The following ERMP1 variants were observed in gnomAD, a reference collection of about 807,000 sequenced individuals.
The protein encoded by ERMP1 is Felix-ina.
In ERMP1, 86 loss-of-function variants were observed where a neutral mutation model predicts 92.0. The ratio of observed to expected loss-of-function variants is 0.93; its 90% CI spans 0.79 to 1.12. The LOEUF is 1.12. Ranked by LOEUF, ERMP1 falls within the 50% of genes most tolerant of loss-of-function variation. The pLI is 0.00. For synonymous variants in ERMP1, 530 were observed against 412.8 expected (o/e 1.28, Z -3.44); for missense variants, 1,342 against 1,116.3 (o/e 1.20, Z -2.88).
chr9:5,793,894 G>A (rs1230583457), intron 13 of ERMP1, among the ~76,000 whole-genome samples: 1 of 152,038 alleles, frequency 6.6e-6, no homozygotes, highest in Non-Finnish European at 1.5e-5. Context: ...CAGAAAATCA[G>A]TAAAAATATA....
rs1828819503 is a variant in ERMP1 at position 5,805,085 on chromosome 9, G to C, written c.1856C>G (p.Pro619Arg). 19 of 1,613,340 alleles carry C rather than the reference G, an allele frequency of 1.2e-5. No individual in the cohort carries two copies. Among genetic ancestry groups the C allele is most frequent in the African/African-American group, 2.7e-5 (2 of 74,676 alleles). Residue 619 changes from proline to arginine, a missense_variant, in exon 10 of 15, where the codon CCT becomes CGT. Coordinates refer to ENST00000339450, the MANE Select transcript of ERMP1 (RefSeq NM_024896.3). ...CAAAATGGATGCCAGCACAACATCA[G>C]GTGGGATTTCAGAACCACTTCTCCC... ...ILGRSGSEIPPDVVLASILAG... is the reference protein window; with the variant it reads ...ILGRSGSEIPRDVVLASILAG...
chr9:5,864,034 T>C (rs1395559596), intron 5 of ERMP1, among the ~76,000 whole-genome samples: 2 of 152,214 alleles, frequency 1.3e-5, no homozygotes, highest in African/African-American at 4.8e-5. Flanking sequence ...TACATTTCTG[T>C]TGTCTATGCC....
At position 5,821,795 on chromosome 9, in the gene ERMP1, A is replaced by T. The variant is rs561316515; in HGVS notation, c.874+2101T>A. ...AGGCACTTAACACATAGTATACTTCAACATGGAAAATACACAGACACACTC... is the reference window on the plus strand; with the variant it reads ...AGGCACTTAACACATAGTATACTTCTACATGGAAAATACACAGACACACTC... On this transcript the variant is annotated intron_variant, in intron 4 of 14. Transcript: ENST00000339450. Among the ~76,000 whole-genome samples, 31 of 152,356 alleles carry T rather than the reference A, an allele frequency of 2.0e-4. No homozygotes were observed. The South Asian group carries it at 4.8e-3, about 23-fold the overall frequency.
chr9:5,821,836 C>T (rs899580378), intron 4 of ERMP1, among the ~76,000 whole-genome samples: 1 of 152,182 alleles, frequency 6.6e-6, no homozygotes. Context: ...TACATGGAGC[C>T]CTGACATTTT....
Position 5,787,164 on chromosome 9 carries a change from A to C in ERMP1, c.2695T>G (p.Tyr899Asp). Reference sequence around the variant, plus strand: ...CAAGATTAAAATACAAAGAGATCGTAGGTGCACACCCAGGCAGAGGGAAAT... The same window carrying C: ...CAAGATTAAAATACAAAGAGATCGTCGGTGCACACCCAGGCAGAGGGAAAT... Reference protein sequence around the residue: ...WTFPSAWVCTYDLFVF With the variant: ...WTFPSAWVCTDDLFVF Residue 899 changes from tyrosine (Y) to aspartate (D), a missense_variant, in exon 15 of 15, where the codon TAC (tyrosine) becomes GAC (aspartate). Tyr to Asp is a radical substitution (Grantham distance 160). Transcript: ENST00000339450. The C allele has an allele frequency of 6.2e-7, 1 of 1,613,788 alleles. No individual in the cohort carries two copies. Among genetic ancestry groups the C allele is most frequent in the Non-Finnish European group, 8.5e-7 (1 of 1,179,814 alleles).
At chr9:5,801,079 A>G (rs1828652161) in intron 11 of ERMP1, 97 bp downstream of exon 11, 1 of 1,305,802 alleles carries the variant, frequency 7.7e-7, no homozygotes, top group Non-Finnish European at 1.1e-6. Flanking sequence ...ATAGGTCAAC[A>G]GCAGAAAAGT....
chr9:5,798,046 C>A lies in ERMP1; in HGVS notation c.2271-114G>T, dbSNP rs1828512784. ...ATTTTTGGGTATGAAAATAAACTGA[C>A]AGACATGATAAGCAATGCCAACTCC... On this transcript the variant is annotated intron_variant, in intron 12 of 14. Coordinates refer to ENST00000339450, the MANE Select transcript of ERMP1 (RefSeq NM_024896.3). 4 of 723,116 alleles carry A rather than the reference C, an allele frequency of 5.5e-6. No homozygotes were observed. In the Admixed American group the frequency reaches 7.8e-5, roughly 14 times the overall value. 44.8% of individuals were successfully genotyped at this position (723,116 alleles called of 1,614,324 possible).
intron 4 of ERMP1, among the ~76,000 whole-genome samples, chr9:5,820,872 G>A (rs955335282): frequency 2.0e-5 from 3 of 152,294 alleles, no homozygotes; most frequent in South Asian, 2.1e-4. Flanking sequence ...ATGCCCACAA[G>A]AAGCGCAGTC....
chr9:5,844,056 A>C (rs1402417216), intron 6 of ERMP1, among the ~76,000 whole-genome samples: 1 of 152,268 alleles, frequency 6.6e-6, no homozygotes, highest in East Asian at 1.9e-4. Context: ...CGGGAGAAGA[A>C]TCTCAGTCAG....
At chr9:5,798,428 C>A (rs534798629) in intron 12 of ERMP1, among the ~76,000 whole-genome samples, 35 of 152,050 alleles carry the variant, frequency 2.3e-4, no homozygotes, top group African/African-American at 8.2e-4. Flanking sequence ...GTTTGTCAGG[C>A]TGGTCTCGAA....
chr9:5,798,400 G>C (rs900984079), intron 12 of ERMP1, among the ~76,000 whole-genome samples: 8 of 152,104 alleles, frequency 5.3e-5, no homozygotes, highest in Non-Finnish European at 1.0e-4. Context: ...ATTTTTAGTA[G>C]AGACACGGTT....
chr9:5,851,638 C>G (rs1482098165), intron 6 of ERMP1, among the ~76,000 whole-genome samples: 2 of 152,186 alleles, frequency 1.3e-5, no homozygotes, highest in East Asian at 3.8e-4. Context: ...CTTCTATGGT[C>G]AAACCCTTTT....
chr9:5,834,979 G>GTA (rs1830073038), upstream of ERMP1, among the ~76,000 whole-genome samples: 1 of 13,964 alleles, frequency 7.2e-5, no homozygotes, highest in Non-Finnish European at 1.2e-4. Flanking sequence ...ATAGATAGAT[G>GTA]TGTGTGTGTG....
intron 5 of ERMP1, among the ~76,000 whole-genome samples, chr9:5,865,384 T>C (rs1183167235): frequency 6.6e-6 from 1 of 152,058 alleles, no homozygotes; most frequent in Non-Finnish European, 1.5e-5. Flanking sequence ...GGCAGGCGCC[T>C]GTAGTCCCAG....
At chr9:5,822,782 G>A (rs1338720430) in intron 4 of ERMP1, among the ~76,000 whole-genome samples, 1 of 152,142 alleles carries the variant, frequency 6.6e-6, no homozygotes, top group Non-Finnish European at 1.5e-5. Flanking sequence ...TATGAGCTCT[G>A]AATTTTGTTA....
At chr9:5,799,983 T>C (rs1205945753) in intron 11 of ERMP1, among the ~76,000 whole-genome samples, 2 of 152,234 alleles carry the variant, frequency 1.3e-5, no homozygotes, top group Admixed American at 1.3e-4. Flanking sequence ...AATTGTTATT[T>C]GGCCCCTTTT....
intron 6 of ERMP1, among the ~76,000 whole-genome samples, chr9:5,848,887 A>T (rs1349270384): frequency 6.6e-6 from 1 of 152,210 alleles, no homozygotes; most frequent in East Asian, 1.9e-4. Flanking sequence ...GCAGGTGGCT[A>T]CTTGAAAGAG....
At chr9:5,819,809 G>C (rs531605452) in intron 4 of ERMP1, among the ~76,000 whole-genome samples, 3 of 152,218 alleles carry the variant, frequency 2.0e-5, no homozygotes, top group Non-Finnish European at 2.9e-5. Flanking sequence ...TATATGAAAT[G>C]TCTACAGCAG....
intron 13 of ERMP1, among the ~76,000 whole-genome samples, chr9:5,795,720 G>A (rs1007440748): frequency 6.6e-5 from 10 of 152,138 alleles, no homozygotes; most frequent in East Asian, 3.8e-4. Flanking sequence ...AGAGGTTGCC[G>A]TGAGCCGAGA....
Sources: gnomAD v4.1 joint callset for allele counts (sites outside exome capture counted in the v4.1 genomes callset) on GRCh38, gnomAD v4.1.1 for gene constraint, MANE v1.5 for transcripts, NCBI Gene and HGNC (gene_info 2026-07-23, HGNC 2026-07-21) for gene names.